The following SEMA3E variants were observed in gnomAD, a reference collection of about 807,000 sequenced individuals.
SEMA3E encodes the protein semaphorin 3E.
A neutral mutation model predicts 93.6 loss-of-function variants in SEMA3E; 49 were observed. The observed-to-expected ratio is 0.52, with a 90% CI of 0.42 to 0.66. The LOEUF is 0.66. Ranked by LOEUF, SEMA3E falls within the 30% of genes least tolerant of loss-of-function variation. The pLI, the probability that SEMA3E is intolerant of heterozygous loss-of-function variation, is 0.00. For missense variants in SEMA3E, 906 were observed against 964.8 expected, an observed-to-expected ratio of 0.94 and a Z score of 0.81; for synonymous variants, 363 against 330.7, an observed-to-expected ratio of 1.10 and a Z score of -1.06.
intron 1 of SEMA3E, among the ~76,000 whole-genome samples, chr7:83,553,667 G>T (rs1328105147): frequency 6.6e-6 from 1 of 151,420 alleles, no homozygotes; most frequent in Non-Finnish European, 1.5e-5. Context: ...AACTAACTAG[G>T]GTTAACTAAA....
At chr7:83,564,093 A>G (rs988902043) in intron 1 of SEMA3E, among the ~76,000 whole-genome samples, 2 of 152,206 alleles carry the variant, frequency 1.3e-5, no homozygotes, top group Non-Finnish European at 2.9e-5. Flanking sequence ...GAGGATTAAA[A>G]TATTGTATCC....
intron 2 of SEMA3E, among the ~76,000 whole-genome samples, chr7:83,473,734 T>C (rs1015963618): frequency 1.3e-5 from 2 of 152,204 alleles, no homozygotes; most frequent in African/African-American, 2.4e-5. Context: ...TTTACACGAA[T>C]GATTCCTATA....
intron 14 of SEMA3E, among the ~76,000 whole-genome samples, chr7:83,387,911 TCCAGAA>T (rs1436542098): frequency 6.8e-6 from 1 of 146,356 alleles, no homozygotes; most frequent in African/African-American, 2.5e-5. Flanking sequence ...TATATAAAAT[TCCAGAA>T]TATATGTAAT....
chr7:83,590,483 C>T (rs1055904496), intron 1 of SEMA3E, among the ~76,000 whole-genome samples: 1 of 152,158 alleles, frequency 6.6e-6, no homozygotes, highest in African/African-American at 2.4e-5. Context: ...AGTGTTCACG[C>T]TCACCATTGT....
chr7:83,469,217 T>C, intron 3 of SEMA3E, 26 bp downstream of exon 3: 1 of 1,561,512 alleles, frequency 6.4e-7, no homozygotes, highest in Non-Finnish European at 8.8e-7. Flanking sequence ...TGATGATTTG[T>C]TTAATTTACA....
chr7:83,579,043 G>C (rs1792466195), intron 1 of SEMA3E, among the ~76,000 whole-genome samples: 1 of 152,020 alleles, frequency 6.6e-6, no homozygotes, highest in Non-Finnish European at 1.5e-5. Flanking sequence ...GTGTGGCCAT[G>C]CTTTATTAAG....
intron 16 of SEMA3E, among the ~76,000 whole-genome samples, chr7:83,368,992 T>TG (rs1282325538): frequency 1.3e-5 from 2 of 152,170 alleles, no homozygotes; most frequent in African/African-American, 4.8e-5. Context: ...GAAAAATTGT[T>TG]GTGAAGATTA....
intron 1 of SEMA3E, among the ~76,000 whole-genome samples, chr7:83,569,695 C>A (rs1306317071): frequency 6.6e-6 from 1 of 152,294 alleles, no homozygotes; most frequent in African/African-American, 2.4e-5. Flanking sequence ...CTCTTCTAAA[C>A]GTATATCCAC....
At chr7:83,396,040 G>GGTGT (rs1562761924) in intron 12 of SEMA3E, among the ~76,000 whole-genome samples, 2 of 64,054 alleles carry the variant, frequency 3.1e-5, no homozygotes, top group South Asian at 7.3e-4. Context: ...GATACGACTT[G>GGTGT]ATGTGTGTGT....
At chr7:83,424,592 G>A (rs779069123) in intron 4 of SEMA3E, among the ~76,000 whole-genome samples, 15 of 152,030 alleles carry the variant, frequency 9.9e-5, no homozygotes, top group Non-Finnish European at 1.3e-4. Context: ...TTGAATAATT[G>A]TTTCCACAAC....
chr7:83,640,801 A>G (rs1465867429), intron 1 of SEMA3E, among the ~76,000 whole-genome samples: 1 of 152,128 alleles, frequency 6.6e-6, no homozygotes, highest in Non-Finnish European at 1.5e-5. Context: ...AGAAGAAGAG[A>G]AAAAGAGAGA....
intron 16 of SEMA3E, among the ~76,000 whole-genome samples, chr7:83,375,834 A>G (rs902332736): frequency 3.3e-5 from 5 of 152,066 alleles, no homozygotes; most frequent in African/African-American, 1.2e-4. Flanking sequence ...CTCTAGATTC[A>G]TTCCTCTTGT....
At chr7:83,401,053 ACT>A (rs1227278706) in intron 10 of SEMA3E, among the ~76,000 whole-genome samples, 2 of 152,130 alleles carry the variant, frequency 1.3e-5, no homozygotes, top group African/African-American at 2.4e-5. Flanking sequence ...GCAAAAAGAC[ACT>A]CTCTGTTTGC....
At chr7:83,389,997 ACG>A (rs1787971174) in intron 14 of SEMA3E, among the ~76,000 whole-genome samples, 1 of 138,808 alleles carries the variant, frequency 7.2e-6, no homozygotes, top group South Asian at 2.2e-4. Context: ...ATATGTGTAT[ACG>A]TATACACATA....
At chr7:83,452,473 C>T (rs957533337) in intron 4 of SEMA3E, among the ~76,000 whole-genome samples, 2 of 152,150 alleles carry the variant, frequency 1.3e-5, no homozygotes, top group African/African-American at 2.4e-5. Context: ...ATAAGCATCA[C>T]GCTGTTTCTC....
chr7:83,497,479 T>C (rs2115584596), intron 1 of SEMA3E, among the ~76,000 whole-genome samples: 1 of 152,254 alleles, frequency 6.6e-6, no homozygotes, highest in Non-Finnish European at 1.5e-5. Flanking sequence ...CAAAAAAAAT[T>C]GAATTTCAGT....
chr7:83,400,248 A>G lies in SEMA3E; in HGVS notation c.1146T>C (p.Cys382=), dbSNP rs367621110. ...ATCTCCCTCCATTTACTTTGCTGGC[A>G]CACTGAAAAACAAGTGGATCAGATA... ...GKVPYPRPGS[C]ASKVNGGRYG... is the part of the protein sequence containing the mutation. The change falls in exon 11 of 17, where the codon TGT becomes TGC. Residue 382 remains cysteine (C), a splice_region_variant and synonymous_variant. Transcript: ENST00000643230. 67 of 1,613,766 alleles carry G rather than the reference A, an allele frequency of 4.2e-5. No homozygotes were observed. The highest frequency in any genetic ancestry group is 5.7e-5 in the Non-Finnish European group (67 of 1,179,686).
At chr7:83,383,727 A>C (rs985318985) in intron 16 of SEMA3E, among the ~76,000 whole-genome samples, 1 of 152,028 alleles carries the variant, frequency 6.6e-6, no homozygotes, top group African/African-American at 2.4e-5. Flanking sequence ...TGGATTCAGC[A>C]TGTCAAATGA....
At chr7:83,517,892 G>T (rs1411599133) in intron 1 of SEMA3E, among the ~76,000 whole-genome samples, 1 of 152,170 alleles carries the variant, frequency 6.6e-6, no homozygotes, top group African/African-American at 2.4e-5. Flanking sequence ...AGATGATAAT[G>T]TGTCTACACA....
Sources: allele counts gnomAD v4.1 joint callset (sites outside exome capture counted in the v4.1 genomes callset), GRCh38; gene constraint gnomAD v4.1.1; transcripts MANE v1.5; gene names NCBI Gene and HGNC (gene_info 2026-07-23, HGNC 2026-07-21).